PPP2R3A: variants seen among roughly 807,000 people sequenced by gnomAD.
PPP2R3A encodes serine/threonine-protein phosphatase 2A regulatory subunit B'' subunit alpha.
In PPP2R3A, 80 loss-of-function variants were observed where a neutral mutation model predicts 106.9. That is an observed-to-expected ratio of 0.75 (90% CI 0.62 to 0.90). The LOEUF (loss-of-function observed/expected upper bound fraction) is 0.90, where lower values mean the gene tolerates loss of function less well. PPP2R3A is among the 40% of genes least tolerant of loss of function. The pLI is 0.00. For missense variants in PPP2R3A, 1,386 were observed against 1,350.4 expected, an observed-to-expected ratio of 1.03 and a Z score of -0.41; for synonymous variants, 483 against 468.3, an observed-to-expected ratio of 1.03 and a Z score of -0.41.
chr3:136,124,311 G>A (rs766140856), intron 13 of PPP2R3A, among the ~76,000 whole-genome samples: 5 of 152,092 alleles, frequency 3.3e-5, no homozygotes, highest in Non-Finnish European at 5.9e-5. Flanking sequence ...GCAGCACAGC[G>A]AGACCCCACT....
Position 136,001,390 on chromosome 3 carries a change from C to T in PPP2R3A, c.-109C>T. On this transcript the variant is annotated 5_prime_UTR_variant, in exon 2 of 14. Coordinates refer to ENST00000264977, the MANE Select transcript of PPP2R3A (RefSeq NM_002718.5). Reference sequence around the variant, plus strand: ...AAAAGCCATTATATTTGGAAGAAACCACTGAACATTGTTATTAAATATATT... The same window carrying T: ...AAAAGCCATTATATTTGGAAGAAACTACTGAACATTGTTATTAAATATATT... The T allele has an allele frequency of 1.0e-6, 1 of 961,642 alleles. No homozygotes were observed. The highest frequency in any genetic ancestry group is 1.6e-6 in the Non-Finnish European group (1 of 639,930). The allele number at this position is 961,642 out of a possible 1,614,324, so 59.6% of individuals were successfully genotyped here.
chr3:136,013,772 AT>A (rs1453752643), intron 2 of PPP2R3A, among the ~76,000 whole-genome samples: 1 of 151,878 alleles, frequency 6.6e-6, no homozygotes, highest in East Asian at 1.9e-4. Flanking sequence ...TGTCAGATGC[AT>A]AGTTTACAAA....
intron 2 of PPP2R3A, among the ~76,000 whole-genome samples, chr3:136,016,671 T>C (rs951109845): frequency 6.6e-6 from 1 of 152,216 alleles, no homozygotes; most frequent in Non-Finnish European, 1.5e-5. Context: ...GGATTATCTT[T>C]TTCCACCCCT....
intron 2 of PPP2R3A, among the ~76,000 whole-genome samples, chr3:136,008,389 A>G (rs1259359720): frequency 6.6e-6 from 1 of 152,192 alleles, no homozygotes; most frequent in Admixed American, 6.5e-5. Context: ...CAGATTAATA[A>G]AAGTAAACAC....
chr3:136,141,278 G>A (rs190613035), intron 13 of PPP2R3A, among the ~76,000 whole-genome samples: 66 of 152,302 alleles, frequency 4.3e-4, no homozygotes, highest in Admixed American at 2.4e-3. Context: ...AAATGTCCTA[G>A]GCAGGGAGTA....
intron 5 of PPP2R3A, chr3:136,055,789 A>G: frequency 1.7e-6 from 1 of 584,756 alleles, no homozygotes; most frequent in East Asian, 2.7e-5. Flanking sequence ...AATTGCACAT[A>G]CTGATATAAA....
chr3:136,082,293 A>C lies in PPP2R3A; in HGVS notation c.2660A>C (p.Asp887Ala). Residue 887 changes from aspartate (D) to alanine (A), a missense_variant, in exon 8 of 14, where the codon GAT becomes GCT. Coordinates refer to ENST00000264977, the MANE Select transcript of PPP2R3A (RefSeq NM_002718.5). Reference sequence around the variant, plus strand: ...CTAGCACTTTTGGAAGAAGAGGAAGATATAAACCAAATTACAGATTACTTC... The same window carrying C: ...CTAGCACTTTTGGAAGAAGAGGAAGCTATAAACCAAATTACAGATTACTTC... The part of the protein sequence containing the change: ...QTLALLEEEE[D>A]INQITDYFSY... The C allele has an allele frequency of 1.3e-6, 2 of 1,594,188 alleles. No individual in the cohort carries two copies. The highest frequency in any genetic ancestry group is 2.2e-5 in the South Asian group (2 of 90,632).
At chr3:136,079,188 A>G (rs1255227325) in intron 7 of PPP2R3A, 6 of 455,008 alleles carry the variant, frequency 1.3e-5, no homozygotes, top group South Asian at 9.3e-5. Context: ...TCCATGATGG[A>G]TATACAAACA....
chr3:136,043,819 A>G (rs1289842966), intron 4 of PPP2R3A, among the ~76,000 whole-genome samples: 2 of 152,244 alleles, frequency 1.3e-5, no homozygotes, highest in East Asian at 1.9e-4. Context: ...GTTCTGAAAG[A>G]TGCTAGTTTA....
At chr3:136,130,530 A>C (rs1317654415) in intron 13 of PPP2R3A, among the ~76,000 whole-genome samples, 1 of 152,228 alleles carries the variant, frequency 6.6e-6, no homozygotes, top group African/African-American at 2.4e-5. Context: ...AAATGGAAGA[A>C]TATTCCATGC....
intron 2 of PPP2R3A, among the ~76,000 whole-genome samples, chr3:136,018,797 C>G (rs764639900): frequency 2.2e-4 from 34 of 152,176 alleles, no homozygotes; most frequent in Non-Finnish European, 4.4e-5. Flanking sequence ...AGCTTCTCTT[C>G]CATATAACTC....
chr3:136,064,322 A>G (rs1936188092), intron 5 of PPP2R3A, among the ~76,000 whole-genome samples: 2 of 151,182 alleles, frequency 1.3e-5, no homozygotes, highest in African/African-American at 4.9e-5. Context: ...ATGCTAAATG[A>G]CGAGTTACTG....
chr3:136,016,212 A>G (rs1452387290), intron 2 of PPP2R3A, among the ~76,000 whole-genome samples: 1 of 152,110 alleles, frequency 6.6e-6, no homozygotes, highest in Non-Finnish European at 1.5e-5. Flanking sequence ...TTCTTAAGTT[A>G]CTGAGACTTG....
intron 3 of PPP2R3A, among the ~76,000 whole-genome samples, chr3:136,039,931 C>G (rs1474177421): frequency 1.3e-5 from 2 of 151,994 alleles, no homozygotes; most frequent in Non-Finnish European, 2.9e-5. Flanking sequence ...ATATTCATTT[C>G]CAGTCTTTCC....
Position 135,968,938 on chromosome 3 carries a change from T to C in PPP2R3A, c.-441+3089T>C, listed in dbSNP as rs528358896. On this transcript the variant is annotated intron_variant, in intron 1 of 13. Transcript: ENST00000264977. ...TTTCACTGTATGGATATACCATAGA[T>C]TATTTAACCATTCCCCCACTGACAG... 5.3e-5 allele frequency among the ~76,000 whole-genome samples: 8 copies of C among 152,316 alleles called. No individual in the cohort carries two copies. The South Asian group carries it at 1.7e-3, about 32-fold the overall frequency.
intron 13 of PPP2R3A, among the ~76,000 whole-genome samples, chr3:136,142,672 A>G (rs76962992): frequency 6.6e-6 from 1 of 152,200 alleles, no homozygotes; most frequent in African/African-American, 2.4e-5. Flanking sequence ...TTAGGCTTCA[A>G]GTGCTGTGAG....
At chr3:136,100,235 C>T (rs1051106708) in intron 10 of PPP2R3A, among the ~76,000 whole-genome samples, 37 of 152,192 alleles carry the variant, frequency 2.4e-4, no homozygotes, top group East Asian at 5.8e-4. Context: ...AAAGGCCAGG[C>T]GCAGGAGCTC....
chr3:136,086,212 G>T (rs991736917), intron 8 of PPP2R3A, among the ~76,000 whole-genome samples: 1 of 150,388 alleles, frequency 6.6e-6, no homozygotes, highest in Non-Finnish European at 1.5e-5. Flanking sequence ...GGCCAGGCGC[G>T]GTGGCTCACG....
chr3:136,145,321 A>C lies in PPP2R3A; in HGVS notation c.*155A>C. ...CTTTGTTTTTAAGCAATAGGTCTGG[A>C]TACACATTTAACTTAGGAGGCTCCT... On this transcript the variant is annotated 3_prime_UTR_variant, in exon 14 of 14. Coordinates refer to ENST00000264977, the MANE Select transcript of PPP2R3A (RefSeq NM_002718.5). 1.1e-6 allele frequency: 1 copy of C among 952,238 alleles called. No individual in the cohort carries two copies. The highest frequency in any genetic ancestry group is 1.4e-6 in the Non-Finnish European group (1 of 689,754). 59.0% of individuals were successfully genotyped at this position (952,238 alleles called of 1,614,324 possible).
Sources: gnomAD v4.1 joint callset for allele counts (sites outside exome capture counted in the v4.1 genomes callset) on GRCh38, gnomAD v4.1.1 for gene constraint, MANE v1.5 for transcripts, NCBI Gene and HGNC (gene_info 2026-07-23, HGNC 2026-07-21) for gene names.